B3GALNT2: variants seen among roughly 807,000 people sequenced by gnomAD.
B3GALNT2 encodes the protein beta-1,3-N-acetylgalactosaminyltransferase 2.
A neutral mutation model predicts 61.1 loss-of-function variants in B3GALNT2; 53 were observed. That is an observed-to-expected ratio of 0.87 (90% CI 0.70 to 1.09). The LOEUF (loss-of-function observed/expected upper bound fraction) is 1.09, where lower values mean the gene tolerates loss of function less well. B3GALNT2 is among the 50% of genes least tolerant of loss of function. The pLI is 0.00. For missense variants in B3GALNT2, 544 were observed against 623.0 expected (o/e 0.87, Z 1.35); for synonymous variants, 223 against 237.4 (o/e 0.94, Z 0.56).
intron 2 of B3GALNT2, among the ~76,000 whole-genome samples, chr1:235,492,057 T>C (rs1361383411): frequency 6.6e-6 from 1 of 152,208 alleles, no homozygotes; most frequent in Non-Finnish European, 1.5e-5. Flanking sequence ...AACACTCTAT[T>C]TATCTCTGTA....
chr1:235,483,010 G>GA (rs1405815193), intron 4 of B3GALNT2, among the ~76,000 whole-genome samples: 2 of 151,962 alleles, frequency 1.3e-5, no homozygotes, highest in Non-Finnish European at 1.5e-5. Flanking sequence ...AAGCTGTAGA[G>GA]AAAAATATTC....
chr1:235,460,454 TAA>T (rs35687101), intron 7 of B3GALNT2, among the ~76,000 whole-genome samples: 1,783 of 136,494 alleles, frequency 0.013, 24 homozygotes, highest in African/African-American at 0.036. Flanking sequence ...ATGTTTTATT[TAA>T]AAAAAAAAAA....
intron 11 of B3GALNT2, 72 bp from the exon 12 acceptor site, chr1:235,450,412 A>G (rs41308204): frequency 0.015 from 23,466 of 1,522,514 alleles, 248 homozygotes; most frequent in Middle Eastern, 0.031. Context: ...GTATGCACGT[A>G]GACAGCTTTT....
chr1:235,492,772 G>C (rs1685130243), intron 2 of B3GALNT2, among the ~76,000 whole-genome samples: 1 of 152,190 alleles, frequency 6.6e-6, no homozygotes, highest in Non-Finnish European at 1.5e-5. Context: ...GGGGCTGTCT[G>C]CTAGAGTGAC....
chr1:235,445,640 T>TAAAAC (rs767339707), downstream of B3GALNT2, among the ~76,000 whole-genome samples: 6 of 151,786 alleles, frequency 4.0e-5, no homozygotes, highest in Admixed American at 6.6e-5. Flanking sequence ...TGTCTAAAAT[T>TAAAAC]AAAACAAAAC....
the B3GALNT2 span, chr1:235,441,946 G>T: frequency 2.0e-5 from 29 of 1,421,526 alleles, no homozygotes; most frequent in Non-Finnish European, 2.9e-5. Context: ...AACAGTTAGT[G>T]TGTTTCTCTT....
In B3GALNT2 at chr1:235,449,019, T is replaced by A; in HGVS notation, c.*1187A>T. The A allele has an allele frequency of 2.6e-6, 1 of 387,626 alleles. No individual in the cohort carries two copies. Among genetic ancestry groups the A allele is most frequent in the Non-Finnish European group, 4.9e-6 (1 of 206,098 alleles). The allele number at this position is 387,626 out of a possible 1,614,324, so 24.0% of individuals were successfully genotyped here. A position where few individuals can be genotyped will look rare whatever the true frequency, so the allele number is the denominator to read the frequency against. ...TATTTTTACAGCTCATCACTGCATT[T>A]CATGATAAGATTTAAATATTAAATA... On this transcript the variant is annotated 3_prime_UTR_variant, in exon 12 of 12. Coordinates refer to ENST00000366600, the MANE Select transcript of B3GALNT2 (RefSeq NM_152490.5).
At chr1:235,465,872 T>C in intron 6 of B3GALNT2, 158 bp from the exon 7 acceptor site, 2 of 721,514 alleles carry the variant, frequency 2.8e-6, no homozygotes, top group Non-Finnish European at 4.5e-6. Context: ...CAGGATGACA[T>C]ACGGTATTCT....
Position 235,448,650 on chromosome 1 carries a change from C to A in B3GALNT2, c.*1556G>T. 6.3e-7 allele frequency: 1 copy of A among 1,599,960 alleles called. No homozygotes were observed. Among genetic ancestry groups the A allele is most frequent in the Non-Finnish European group, 8.6e-7 (1 of 1,167,396 alleles). The stretch of plus-strand genomic sequence containing the variant: ...GATCTGTCTTAATCACATCCTTCCC[C>A]ACCTTCGTTCTAATTTTAGAAGCCG... On this transcript the variant is annotated 3_prime_UTR_variant, in exon 12 of 12. Transcript: ENST00000366600.
chr1:235,452,422 TAAAGC>T (rs1457185101), intron 11 of B3GALNT2: 1 of 152,198 alleles, frequency 6.6e-6, no homozygotes, highest in Non-Finnish European at 1.5e-5. Context: ...TATTGTGAAT[TAAAGC>T]AACAGCATAA....
chr1:235,469,193 G>A (rs1683868826), intron 6 of B3GALNT2, among the ~76,000 whole-genome samples: 1 of 152,162 alleles, frequency 6.6e-6, no homozygotes, highest in Non-Finnish European at 1.5e-5. Flanking sequence ...TGCAGGAAAT[G>A]TTTTTTGAAT....
intron 2 of B3GALNT2, among the ~76,000 whole-genome samples, chr1:235,492,388 T>C (rs1685107595): frequency 6.6e-6 from 1 of 152,244 alleles, no homozygotes; most frequent in Non-Finnish European, 1.5e-5. Context: ...TCTATTTTTA[T>C]ACAGATAGCT....
chr1:235,464,518 A>G (rs1558416320), intron 7 of B3GALNT2: 2 of 147,220 alleles, frequency 1.4e-5, no homozygotes, highest in Non-Finnish European at 3.0e-5. Context: ...TCCCACATCT[A>G]GTTCATATAC....
At chr1:235,493,204 C>A (rs1248843121) in intron 2 of B3GALNT2, among the ~76,000 whole-genome samples, 1 of 151,986 alleles carries the variant, frequency 6.6e-6, no homozygotes, top group African/African-American at 2.4e-5. Context: ...TAAGCAGCAT[C>A]TGGAAGGTAT....
At chr1:235,464,194 T>A (rs1482482194) in intron 7 of B3GALNT2, 1 of 152,174 alleles carries the variant, frequency 6.6e-6, no homozygotes, top group Non-Finnish European at 1.5e-5. Flanking sequence ...TCCTTACATA[T>A]GACAGCAAAA....
chr1:235,466,618 G>A (rs1683710284), intron 6 of B3GALNT2, among the ~76,000 whole-genome samples: 1 of 152,184 alleles, frequency 6.6e-6, no homozygotes, highest in Admixed American at 6.5e-5. Flanking sequence ...GTCTCCCAAA[G>A]TGCTGGGATT....
At chr1:235,443,204 A>ACG, downstream of B3GALNT2, among the ~76,000 whole-genome samples, 1 of 151,772 alleles carries the variant, frequency 6.6e-6, no homozygotes, top group East Asian at 1.9e-4. Flanking sequence ...ATACACACAC[A>ACG]CACACAATTT....
At chr1:235,487,806 C>T (rs1295072619) in intron 3 of B3GALNT2, among the ~76,000 whole-genome samples, 1 of 152,136 alleles carries the variant, frequency 6.6e-6, no homozygotes, top group South Asian at 2.1e-4. Context: ...GTTTTTGAGA[C>T]AGGGTCTCGC....
chr1:235,468,068 C>T (rs1467199739), intron 6 of B3GALNT2, among the ~76,000 whole-genome samples: 1 of 152,262 alleles, frequency 6.6e-6, no homozygotes, highest in Non-Finnish European at 1.5e-5. Flanking sequence ...GCGTGAGCCA[C>T]AGCACCCAGC....
Sources: gnomAD v4.1 joint callset for allele counts (sites outside exome capture counted in the v4.1 genomes callset) on GRCh38, gnomAD v4.1.1 for gene constraint, MANE v1.5 for transcripts, NCBI Gene and HGNC (gene_info 2026-07-23, HGNC 2026-07-21) for gene names.